ZNF519: variants seen among roughly 807,000 people sequenced by gnomAD.
ZNF519 encodes zinc finger protein 519, also known as similar to Zinc finger protein 85 (Zinc finger protein HPF4) (HTF1).
In ZNF519, 7 loss-of-function variants were observed where a neutral mutation model predicts 7.4. The observed-to-expected ratio is 0.94, with a 90% CI of 0.54 to 1.77. The LOEUF is 1.77. ZNF519 is among the 40% of genes most tolerant of loss of function. ZNF519 has a pLI of 0.00. For synonymous variants in ZNF519, 179 were observed against 203.3 expected (o/e 0.88, Z 1.02); for missense variants, 586 against 623.1 (o/e 0.94, Z 0.63).
At chr18:14,076,938 T>C (rs1237664950) in exon 5 of ZNF519, 1 of 152,188 alleles carries the variant, frequency 6.6e-6, no homozygotes, top group Non-Finnish European at 1.5e-5. Flanking sequence ...TTAAACTCCA[T>C]AGTTACTACT....
intron 1 of ZNF519, among the ~76,000 whole-genome samples, chr18:14,126,959 T>C (rs2046302208): frequency 6.6e-6 from 1 of 152,168 alleles, no homozygotes; most frequent in South Asian, 2.1e-4. Flanking sequence ...ACACTCAGGC[T>C]TTGTGGGGTG....
Position 14,121,504 on chromosome 18 carries a change from C to T in ZNF519, c.130+2846G>A, listed in dbSNP as rs930078227. Among the ~76,000 whole-genome samples the T allele has an allele frequency of 3.9e-5, 6 of 152,118 alleles. No individual in the cohort carries two copies. The East Asian group carries it at 1.2e-3, about 29-fold the overall frequency. On this transcript the variant is annotated intron_variant, in intron 2 of 2. Transcript: ENST00000590202. Reference sequence around the variant, plus strand: ...ATTTATCTGAAAAATCCATGCCACACAAACACAGTCATAGAGTAAGTCCTC... The same window carrying T: ...ATTTATCTGAAAAATCCATGCCACATAAACACAGTCATAGAGTAAGTCCTC...
In ZNF519 at chr18:14,101,911, T is replaced by A. The variant is rs544395486; in HGVS notation, c.*3006A>T. 4.8e-5 allele frequency: 19 copies of A among 395,636 alleles called. No homozygotes were observed. In the South Asian group the frequency reaches 2.6e-3, roughly 53 times the overall value. 24.5% of individuals were successfully genotyped at this position (395,636 alleles called of 1,614,324 possible). A position where few individuals can be genotyped will look rare whatever the true frequency, so the allele number is the denominator to read the frequency against. On this transcript the variant is annotated 3_prime_UTR_variant, in exon 3 of 3. Coordinates refer to ENST00000590202, the MANE Select transcript of ZNF519 (RefSeq NM_145287.4). ...CATAAACCTCCTGCCCTCTACTTTT[T>A]CTCCTAAATGCATGAAAGGCAGAGC...
exon 5 of ZNF519, chr18:14,077,126 A>C (rs1414278769): frequency 6.6e-6 from 1 of 152,242 alleles, no homozygotes; most frequent in African/African-American, 2.4e-5. Flanking sequence ...AACAGATTTC[A>C]TGGCCATCAA....
In ZNF519 at chr18:14,100,705, A is replaced by G. The variant is rs528755913; in HGVS notation, c.*4212T>C. 6 of 152,352 alleles carry G rather than the reference A, an allele frequency of 3.9e-5. No individual in the cohort carries two copies. The East Asian group carries it at 9.6e-4, about 24-fold the overall frequency. The allele number at this position is 152,352 out of a possible 1,614,324, so 9.4% of individuals were successfully genotyped here. ...GGGGAGAAGGGAAGCGGATGTGGTT[A>G]TAAGAGGAAAACGAGTTAATCTTCT... is the stretch of plus-strand genomic sequence containing the variant. On this transcript the variant is annotated 3_prime_UTR_variant, in exon 3 of 3. Transcript: ENST00000590202.
chr18:14,073,413 G>A (rs899695284), downstream of ZNF519: 1 of 152,162 alleles, frequency 6.6e-6, no homozygotes, highest in African/African-American at 2.4e-5. Context: ...TGGGACTACA[G>A]GCACTTGCCA....
chr18:14,112,110 T>C (rs1261534328), intron 2 of ZNF519, among the ~76,000 whole-genome samples: 6 of 152,104 alleles, frequency 3.9e-5, no homozygotes, highest in Admixed American at 2.0e-4. Context: ...CAGCAACAGA[T>C]TAAAAAGATT....
chr18:14,096,897 G>T (rs966546882), downstream of ZNF519, among the ~76,000 whole-genome samples: 1 of 152,186 alleles, frequency 6.6e-6, no homozygotes, highest in African/African-American at 2.4e-5. Flanking sequence ...GACTTGCTGG[G>T]AAGTGGACAC....
At chr18:14,077,791 C>T (rs2046053759) in intron 4 of ZNF519, among the ~76,000 whole-genome samples, 1 of 152,096 alleles carries the variant, frequency 6.6e-6, no homozygotes, top group Non-Finnish European at 1.5e-5. Flanking sequence ...TTGATGTGTT[C>T]CCTGCTGAAA....
Position 14,110,453 on chromosome 18 carries a change from A to G in ZNF519, c.131-4044T>C, listed in dbSNP as rs117580898. On this transcript the variant is annotated intron_variant, in intron 2 of 2. Coordinates refer to ENST00000590202, the MANE Select transcript of ZNF519 (RefSeq NM_145287.4). ...AAATATTTGCAAACTACGCACAAAA[A>G]GCTAGTATCCAGAATCTATACAGAA... 7.1e-3 allele frequency among the ~76,000 whole-genome samples: 1,075 copies of G among 152,244 alleles called. 14 individuals carry two copies. The highest frequency in any genetic ancestry group is 0.013 in the Non-Finnish European group (864 of 68,002).
At chr18:14,091,827 TG>T (rs1474627931) in intron 2 of ZNF519, among the ~76,000 whole-genome samples, 1 of 151,896 alleles carries the variant, frequency 6.6e-6, no homozygotes, top group Non-Finnish European at 1.5e-5. Flanking sequence ...TGAGGACACC[TG>T]GGGTAAAGCT....
At chr18:14,087,122 A>G (rs1306132688) in intron 2 of ZNF519, among the ~76,000 whole-genome samples, 2 of 152,220 alleles carry the variant, frequency 1.3e-5, no homozygotes, top group Non-Finnish European at 2.9e-5. Flanking sequence ...AGATTAATGG[A>G]ACGAAGGACA....
downstream of ZNF519, among the ~76,000 whole-genome samples, chr18:14,095,976 C>T (rs2046134782): frequency 6.6e-6 from 1 of 152,208 alleles, no homozygotes; most frequent in Admixed American, 6.5e-5. Context: ...GGCCTAAGGC[C>T]ACTGTGGAAG....
At chr18:14,112,796 ATT>A (rs2046228207) in intron 2 of ZNF519, among the ~76,000 whole-genome samples, 2 of 152,310 alleles carry the variant, frequency 1.3e-5, no homozygotes, top group Admixed American at 6.5e-5. Flanking sequence ...AAGAAAATAT[ATT>A]TTTTGTTCAT....
chr18:14,109,741 T>A (rs1437768069), intron 2 of ZNF519, among the ~76,000 whole-genome samples: 1 of 152,014 alleles, frequency 6.6e-6, no homozygotes, highest in Non-Finnish European at 1.5e-5. Flanking sequence ...AGTGTCTACA[T>A]AAAAAACTCA....
At chr18:14,119,456 T>C (rs1487292141) in intron 2 of ZNF519, among the ~76,000 whole-genome samples, 2 of 152,136 alleles carry the variant, frequency 1.3e-5, no homozygotes, top group East Asian at 3.8e-4. Context: ...TCAGAACAAT[T>C]AGGCAAGGAA....
At chr18:14,113,080 T>A (rs1216269672) in intron 2 of ZNF519, among the ~76,000 whole-genome samples, 1 of 152,190 alleles carries the variant, frequency 6.6e-6, no homozygotes, top group Non-Finnish European at 1.5e-5. Flanking sequence ...TGAAAAGTAC[T>A]CCTTTGTGTA....
intron 2 of ZNF519, among the ~76,000 whole-genome samples, chr18:14,106,872 C>T (rs981499435): frequency 6.6e-6 from 1 of 152,152 alleles, no homozygotes; most frequent in African/African-American, 2.4e-5. Flanking sequence ...CTGGAATGCA[C>T]TCAGCTGACG....
At chr18:14,106,540 A>G in intron 2 of ZNF519, 131 bp from the exon 3 acceptor site, 2 of 672,202 alleles carry the variant, frequency 3.0e-6, no homozygotes, top group East Asian at 5.8e-5. Context: ...AAGAAAGGAC[A>G]GAGCAAGATG....
Sources: allele counts gnomAD v4.1 joint callset (sites outside exome capture counted in the v4.1 genomes callset), GRCh38; gene constraint gnomAD v4.1.1; transcripts MANE v1.5; gene names NCBI Gene and HGNC (gene_info 2026-07-23, HGNC 2026-07-21).